The following TBC1D5 variants were observed in gnomAD, a reference collection of about 807,000 sequenced individuals.
TBC1D5 encodes TBC1 domain family member 5, also known as TBC1 domain family, member 5.
In TBC1D5, 75 loss-of-function variants were observed where a neutral mutation model predicts 100.3. The ratio of observed to expected loss-of-function variants is 0.75; its 90% CI spans 0.62 to 0.91. The LOEUF is 0.91. Ranked by LOEUF, TBC1D5 falls within the 40% of genes least tolerant of loss-of-function variation. TBC1D5 has a pLI of 0.00. For missense variants in TBC1D5, 910 were observed against 942.4 expected (o/e 0.97, Z 0.45); for synonymous variants, 323 against 325.6 (o/e 0.99, Z 0.09).
intron 17 of TBC1D5, among the ~76,000 whole-genome samples, chr3:17,219,034 A>G (rs1182443822): frequency 2.7e-5 from 4 of 149,336 alleles, no homozygotes; most frequent in Non-Finnish European, 5.9e-5. Flanking sequence ...GGCTCTCACT[A>G]TCTGTATGTT....
chr3:17,559,962 T>G (rs547648990), intron 2 of TBC1D5, among the ~76,000 whole-genome samples: 74 of 152,308 alleles, frequency 4.9e-4, no homozygotes, highest in African/African-American at 1.7e-3. Context: ...TTCTAGTTAC[T>G]TTATATAACA....
Position 17,258,587 on chromosome 3 carries a change from T to C in TBC1D5, c.1250A>G (p.Asn417Ser). 4 of 1,611,782 alleles carry C rather than the reference T, an allele frequency of 2.5e-6. No individual in the cohort carries two copies. The highest frequency in any genetic ancestry group is 3.4e-6 in the Non-Finnish European group (4 of 1,178,740). Residue 417 changes from asparagine to serine, a missense_variant, in exon 16 of 22, where the codon AAT becomes AGT. Asn to Ser is a conservative substitution (Grantham distance 46, BLOSUM62 1). Coordinates refer to ENST00000253692, the Ensembl canonical transcript of TBC1D5. ...GAATTGATAAGTCACTGGTCTTGGA[T>C]TTCTCTAAAAAAAAATACATTTTTA...
intron 3 of TBC1D5, among the ~76,000 whole-genome samples, chr3:17,501,764 A>G (rs555465751): frequency 4.0e-5 from 6 of 149,634 alleles, no homozygotes; most frequent in African/African-American, 1.5e-4. Context: ...TTGTGGCTCA[A>G]TCCTAGCTGC....
At chr3:17,376,560 T>C in exon 10 of TBC1D5, 2 of 1,612,822 alleles carry the variant, frequency 1.2e-6, no homozygotes, top group Non-Finnish European at 1.7e-6. Context: ...GTAGAAAAGC[T>C]TGGTGGTCAC....
chr3:17,423,347 C>G (rs2094261432), intron 4 of TBC1D5, among the ~76,000 whole-genome samples: 1 of 151,936 alleles, frequency 6.6e-6, no homozygotes, highest in South Asian at 2.1e-4. Context: ...TATAAGTATT[C>G]CAGTCTATAA....
intron 2 of TBC1D5, among the ~76,000 whole-genome samples, chr3:17,611,394 G>A (rs944039869): frequency 1.3e-5 from 2 of 152,118 alleles, no homozygotes; most frequent in Admixed American, 1.3e-4. Context: ...AAAGAAGAGA[G>A]AATGGAATTT....
chr3:17,284,216 C>G (rs2080926698), intron 15 of TBC1D5, among the ~76,000 whole-genome samples: 1 of 152,098 alleles, frequency 6.6e-6, no homozygotes, highest in South Asian at 2.1e-4. Context: ...CTTCCAAGTT[C>G]AAGCGATTCT....
In TBC1D5 at chr3:17,677,582, GTGT is replaced by G. The variant is rs200884186; in HGVS notation, c.-100-53672_-100-53670del. On this transcript the variant is annotated intron_variant, in intron 1 of 21. Transcript: ENST00000253692. ...ACTAGTTCAGCCAAAGTGGAAGACAGTGTGGCAATTCCTCAAGGACCCAGAACT... is the reference window on the plus strand; with the variant it reads ...ACTAGTTCAGCCAAAGTGGAAGACAGGGCAATTCCTCAAGGACCCAGAACT... Among the ~76,000 whole-genome samples, 814 of 152,330 alleles carry G rather than the reference GTGT, an allele frequency of 5.3e-3. 11 individuals are homozygous for G. The highest frequency in any genetic ancestry group is 0.019 in the African/African-American group (782 of 41,562).
chr3:17,174,838 C>T (rs1282160041), intron 19 of TBC1D5, among the ~76,000 whole-genome samples: 3 of 152,094 alleles, frequency 2.0e-5, no homozygotes, highest in Non-Finnish European at 2.9e-5. Flanking sequence ...GTGATCCGCC[C>T]GCCTCGGCCT....
At chr3:17,728,989 C>A (rs1200346678) in intron 1 of TBC1D5, among the ~76,000 whole-genome samples, 3 of 42,002 alleles carry the variant, frequency 7.1e-5, no homozygotes, top group African/African-American at 1.6e-4. Context: ...GTTAAAGATA[C>A]AATACTCAAG....
At chr3:17,495,591 C>T in intron 3 of TBC1D5, among the ~76,000 whole-genome samples, 1 of 152,204 alleles carries the variant, frequency 6.6e-6, no homozygotes, top group East Asian at 1.9e-4. Context: ...AATATAACAA[C>T]TTATTCTTCC....
At chr3:17,693,594 C>T (rs1199661591) in intron 1 of TBC1D5, among the ~76,000 whole-genome samples, 3 of 152,236 alleles carry the variant, frequency 2.0e-5, no homozygotes, top group East Asian at 1.9e-4. Context: ...TCGAACTGGG[C>T]GGAGCCCACT....
intron 3 of TBC1D5, among the ~76,000 whole-genome samples, chr3:17,485,962 T>G (rs968100550): frequency 1.3e-5 from 2 of 152,080 alleles, no homozygotes; most frequent in Non-Finnish European, 1.5e-5. Flanking sequence ...CCACCAACAG[T>G]GTAAAAGTGT....
At chr3:17,209,853 A>G (rs2072723131) in intron 18 of TBC1D5, among the ~76,000 whole-genome samples, 1 of 152,152 alleles carries the variant, frequency 6.6e-6, no homozygotes, top group Non-Finnish European at 1.5e-5. Context: ...CTTTTTGAAT[A>G]AATCTTTCTG....
At chr3:17,675,182 A>ACAGTCTGAGTTACAGATAACT (rs2068464967) in intron 1 of TBC1D5, among the ~76,000 whole-genome samples, 1 of 151,796 alleles carries the variant, frequency 6.6e-6, no homozygotes, top group Non-Finnish European at 1.5e-5. Flanking sequence ...ATAAAAATGA[A>ACAGTCTGAGTTACAGATAACT]CAGTCTGAGT....
chr3:17,280,305 G>A (rs2080440962), intron 15 of TBC1D5, among the ~76,000 whole-genome samples: 1 of 152,130 alleles, frequency 6.6e-6, no homozygotes, highest in Non-Finnish European at 1.5e-5. Context: ...AGGGACTGGA[G>A]GCTGGGAAAT....
intron 13 of TBC1D5, among the ~76,000 whole-genome samples, chr3:17,327,821 G>GT (rs1409747352): frequency 2.6e-5 from 4 of 151,718 alleles, no homozygotes; most frequent in East Asian, 3.9e-4. Flanking sequence ...GCTGTATGTG[G>GT]TTTTTTTTCC....
At chr3:17,720,944 A>G (rs2075649067) in intron 1 of TBC1D5, among the ~76,000 whole-genome samples, 1 of 151,788 alleles carries the variant, frequency 6.6e-6, no homozygotes, top group African/African-American at 2.4e-5. Flanking sequence ...GGTTCAAGCG[A>G]TTCTCCTGCC....
chr3:17,639,803 T>G (rs1300349634), intron 1 of TBC1D5, among the ~76,000 whole-genome samples: 2 of 152,150 alleles, frequency 1.3e-5, no homozygotes, highest in East Asian at 3.8e-4. Context: ...ACAGAACTTT[T>G]GGTAATCATC....
Sources: allele counts gnomAD v4.1 joint callset (sites outside exome capture counted in the v4.1 genomes callset), GRCh38; gene constraint gnomAD v4.1.1; transcripts MANE v1.5; gene names NCBI Gene and HGNC (gene_info 2026-07-23, HGNC 2026-07-21).